The following RBM15B variants were observed in gnomAD, a reference collection of about 807,000 sequenced individuals.
RBM15B encodes the protein RNA binding motif protein 15B.
A neutral mutation model predicts 53.3 loss-of-function variants in RBM15B; 11 were observed. The ratio of observed to expected loss-of-function variants is 0.21; its 90% CI spans 0.13 to 0.34. The LOEUF is 0.34. RBM15B is among the 10% of genes least tolerant of loss of function. The probability of loss-of-function intolerance (pLI) is 1.00; values close to 1 mark genes in which losing one functional copy is unlikely to be tolerated. For missense variants in RBM15B, 1,136 were observed against 1,250.3 expected, an observed-to-expected ratio of 0.91 and a Z score of 1.38; for synonymous variants, 631 against 540.7, an observed-to-expected ratio of 1.17 and a Z score of -2.32.
chr3:51,391,841 C>T lies in RBM15B; in HGVS notation c.442C>T (p.Pro148Ser), dbSNP rs555181197. ...GACGTTGCTCATCAGCAGCTTGAGC[C>T]CCGCGCTGCCCGCCGAGCACCTCGA... ...YKTLLISSLS[P>S]ALPAEHLEDR... Residue 148 changes from proline (P) to serine (S), a missense_variant, in exon 1 of 1, where the codon CCC (proline) becomes TCC (serine). Pro to Ser is a moderately conservative substitution (Grantham distance 74, BLOSUM62 -1). Around this residue, in one of 7 missense-constraint regions of RBM15B, gnomAD observed 257 missense variants for 261.1 expected, o/e 0.98. Transcript: ENST00000563281. This position sits in a 1 kb window ranked among gnomAD's most constrained non-coding sequence, Gnocchi z 4.5. 3 of 1,602,724 alleles carry T rather than the reference C, an allele frequency of 1.9e-6. No homozygotes were observed. Among genetic ancestry groups the T allele is most frequent in the Non-Finnish European group, 2.5e-6 (3 of 1,179,356 alleles).
At position 51,395,223 on chromosome 3, in the gene RBM15B, C is replaced by T. The variant is rs1553622433; in HGVS notation, c.*1151C>T. ...CTAGGTGCAAGATCAGAGCATGTGC[C>T]TACACCTTGTGCCCTGATGCCGAGG... On this transcript the variant is annotated 3_prime_UTR_variant, in exon 1 of 1. Transcript: ENST00000563281. The T allele has an allele frequency of 6.0e-6, 1 of 167,062 alleles. No individual in the cohort carries two copies. 10.3% of individuals were successfully genotyped at this position (167,062 alleles called of 1,614,324 possible).
Position 51,393,794 on chromosome 3 carries a change from G to T in RBM15B, c.2395G>T (p.Ala799Ser), listed in dbSNP as rs782784595. ...CTATGCGGTCCTCTTAGCCACCCAG[G>T]CAACCCCCAGTGGGCTTGGCACTGA... ...NGYAVLLATQ[A>S]TPSGLGTEGM... Residue 799 changes from alanine (A) to serine (S), a missense_variant, in exon 1 of 1, where the codon GCA becomes TCA. Around this residue, in one of 7 missense-constraint regions of RBM15B, gnomAD observed 578 missense variants for 581.6 expected, o/e 0.99. Coordinates refer to ENST00000563281, the MANE Select transcript of RBM15B (RefSeq NM_013286.5). This position sits in a 1 kb window ranked among gnomAD's most constrained non-coding sequence, Gnocchi z 5.6. 6.2e-7 allele frequency: 1 copy of T among 1,613,738 alleles called. No homozygotes were observed. Among genetic ancestry groups the T allele is most frequent in the Non-Finnish European group, 8.5e-7 (1 of 1,180,010 alleles).
chr3:51,392,088 G>A lies in RBM15B; in HGVS notation c.689G>A (p.Ser230Asn). The stretch of plus-strand genomic sequence containing the variant: ...GGCGGCGGGAGCAGTCGGCGAAGTA[G>A]CAGCAGCAGCGCCGCCGCTTCCACG... ...RGGGGSSRRSSSSSAAASTPP... is the reference protein window; with the variant it reads ...RGGGGSSRRSNSSSAAASTPP... Residue 230 changes from serine to asparagine, a missense_variant, in exon 1 of 1, where the codon AGC becomes AAC. Transcript: ENST00000563281. This position sits in a 1 kb window ranked among gnomAD's most constrained non-coding sequence, Gnocchi z 7.5. 1.3e-6 allele frequency: 2 copies of A among 1,545,510 alleles called. No individual in the cohort carries two copies. Among genetic ancestry groups the A allele is most frequent in the Non-Finnish European group, 1.7e-6 (2 of 1,153,936 alleles).
In RBM15B at chr3:51,392,071, G is replaced by A; in HGVS notation, c.672G>A (p.Gly224=). The A allele has an allele frequency of 5.1e-6, 8 of 1,575,892 alleles. No individual in the cohort carries two copies. The highest frequency in any genetic ancestry group is 6.8e-6 in the Non-Finnish European group (8 of 1,169,342). ...VEPVYLRGGG[G]SSRRSSSSSA... The stretch of plus-strand genomic sequence containing the variant: ...CCGTGTACCTGCGTGGCGGCGGCGG[G>A]AGCAGTCGGCGAAGTAGCAGCAGCA... The change falls in exon 1 of 1, where the codon GGG becomes GGA. Residue 224 remains glycine, a synonymous_variant. Transcript: ENST00000563281. The surrounding 1 kb of genome is among the most constrained non-coding windows in gnomAD (Gnocchi z 7.5).
In RBM15B at chr3:51,393,409, C is replaced by G. The variant is rs375089728; in HGVS notation, c.2010C>G (p.His670Gln). 17 of 1,613,608 alleles carry G rather than the reference C, an allele frequency of 1.1e-5. No homozygotes were observed. Among genetic ancestry groups the G allele is most frequent in the Non-Finnish European group, 1.3e-5 (15 of 1,179,940 alleles). Residue 670 changes from histidine (H) to glutamine (Q), a missense_variant, in exon 1 of 1, where the codon CAC becomes CAG. This residue lies in a region of RBM15B where 578 missense variants were observed against 581.6 expected (regional missense o/e 0.99). Transcript: ENST00000563281. The surrounding 1 kb of genome is among the most constrained non-coding windows in gnomAD (Gnocchi z 5.6). ...AACGGGGCCACCACCACCACCACCA[C>G]GAGGCTGCAGACTCTTCCCACGGGA... Reference protein sequence around the residue: ...AEERGHHHHHHEAADSSHGKK... With the variant: ...AEERGHHHHHQEAADSSHGKK...
chr3:51,393,778 C>T lies in RBM15B; in HGVS notation c.2379C>T (p.Val793=), dbSNP rs570942904. 6.2e-7 allele frequency: 1 copy of T among 1,613,848 alleles called. No individual in the cohort carries two copies. The highest frequency in any genetic ancestry group is 1.1e-5 in the South Asian group (1 of 91,068). ...AGGGGAGCCCCAACGGCTATGCGGT[C>T]CTCTTAGCCACCCAGGCAACCCCCA... ...IKQGSPNGYA[V]LLATQATPSG... The change falls in exon 1 of 1, where the codon GTC becomes GTT. Residue 793 remains valine, a synonymous_variant. Transcript: ENST00000563281. The surrounding 1 kb of genome is among the most constrained non-coding windows in gnomAD (Gnocchi z 5.6).
In RBM15B at chr3:51,395,687, T is replaced by C; in HGVS notation, c.*1615T>C. ...TCCAGGTCTGCTCCCTTACCGGAGC[T>C]AGGATAAGGTAGCATGAGTGACACC... is the stretch of plus-strand genomic sequence containing the variant. On this transcript the variant is annotated 3_prime_UTR_variant, in exon 1 of 1. Transcript: ENST00000563281. The C allele has an allele frequency of 2.4e-6, 1 of 411,948 alleles. No homozygotes were observed. Among genetic ancestry groups the C allele is most frequent in the East Asian group, 3.6e-5 (1 of 28,018 alleles). 25.5% of individuals were successfully genotyped at this position (411,948 alleles called of 1,614,324 possible).
chr3:51,391,936 G>A lies in RBM15B; in HGVS notation c.537G>A (p.Leu179=). 1 of 1,602,616 alleles carries A rather than the reference G, an allele frequency of 6.2e-7. No individual in the cohort carries two copies. The highest frequency in any genetic ancestry group is 8.5e-7 in the Non-Finnish European group (1 of 1,179,118). ...TCCGCCTGTCGCACACGCCTGAGCT[G>A]GGCCGTGTGGCCTACGTGAATTTCC... is the stretch of plus-strand genomic sequence containing the variant. The part of the protein sequence containing the change: ...ISLRLSHTPE[L]GRVAYVNFRH... Residue 179 remains leucine (L), a synonymous_variant, in exon 1 of 1, where the codon CTG becomes CTA. Transcript: ENST00000563281. This position sits in a 1 kb window ranked among gnomAD's most constrained non-coding sequence, Gnocchi z 4.5.
Position 51,393,292 on chromosome 3 carries a change from C to G in RBM15B, c.1893C>G (p.Thr631=). Residue 631 remains threonine, a synonymous_variant, in exon 1 of 1, where the codon ACC becomes ACG. Coordinates refer to ENST00000563281, the MANE Select transcript of RBM15B (RefSeq NM_013286.5). This position sits in a 1 kb window ranked among gnomAD's most constrained non-coding sequence, Gnocchi z 5.6. ...GQQSERGSDR[T]PERSRKENHS... is the part of the protein sequence containing the mutation. ...AGTCAGAGCGGGGCTCCGACCGCACCCCTGAGCGCAGCCGCAAGGAGAACC... is the reference window on the plus strand; with the variant it reads ...AGTCAGAGCGGGGCTCCGACCGCACGCCTGAGCGCAGCCGCAAGGAGAACC... 6.2e-7 allele frequency: 1 copy of G among 1,610,774 alleles called. No individual in the cohort carries two copies. The highest frequency in any genetic ancestry group is 8.5e-7 in the Non-Finnish European group (1 of 1,178,592).
At position 51,391,869 on chromosome 3, in the gene RBM15B, A is replaced by T; in HGVS notation, c.470A>T (p.Asp157Val). 1.2e-6 allele frequency: 2 copies of T among 1,603,782 alleles called. No individual in the cohort carries two copies. Among genetic ancestry groups the T allele is most frequent in the Non-Finnish European group, 1.7e-6 (2 of 1,179,384 alleles). Reference protein sequence around the residue: ...SPALPAEHLEDRLFHQFKRFG... With the variant: ...SPALPAEHLEVRLFHQFKRFG... Reference sequence around the variant, plus strand: ...GCGCTGCCCGCCGAGCACCTCGAGGACCGGCTCTTCCACCAGTTCAAGCGC... The same window carrying T: ...GCGCTGCCCGCCGAGCACCTCGAGGTCCGGCTCTTCCACCAGTTCAAGCGC... The change falls in exon 1 of 1, where the codon GAC becomes GTC. Residue 157 changes from aspartate (D) to valine (V), a missense_variant. Physicochemically the swap from Asp to Val is radical, Grantham distance 152. Around this residue, in one of 7 missense-constraint regions of RBM15B, gnomAD observed 257 missense variants for 261.1 expected, o/e 0.98. Coordinates refer to ENST00000563281, the MANE Select transcript of RBM15B (RefSeq NM_013286.5). This position sits in a 1 kb window ranked among gnomAD's most constrained non-coding sequence, Gnocchi z 4.5.
chr3:51,393,844 T>C lies in RBM15B; in HGVS notation c.2445T>C (p.Gly815=). The C allele has an allele frequency of 1.2e-6, 2 of 1,600,208 alleles. No homozygotes were observed. The highest frequency in any genetic ancestry group is 1.7e-6 in the Non-Finnish European group (2 of 1,174,646). Residue 815 remains glycine (G), a synonymous_variant, in exon 1 of 1, where the codon GGT becomes GGC. Coordinates refer to ENST00000563281, the MANE Select transcript of RBM15B (RefSeq NM_013286.5). This position sits in a 1 kb window ranked among gnomAD's most constrained non-coding sequence, Gnocchi z 5.6. ...GTEGMPTVEP[G]LQRRLLRNLV... ...AGGGGATGCCCACAGTAGAGCCCGGTCTGCAGAGGCGGCTTCTCAGGAACC... is the reference window on the plus strand; with the variant it reads ...AGGGGATGCCCACAGTAGAGCCCGGCCTGCAGAGGCGGCTTCTCAGGAACC...
Position 51,393,116 on chromosome 3 carries a change from C to T in RBM15B, c.1717C>T (p.Arg573Trp), listed in dbSNP as rs1370806531. ...LEGYSRSVRS[R>W]SGERWGADGD... is the part of the protein sequence containing the mutation. ...GGGCTACAGTCGCTCAGTGCGCAGC[C>T]GGAGTGGTGAGCGTTGGGGGGCAGA... The change falls in exon 1 of 1, where the codon CGG (arginine) becomes TGG (tryptophan). Residue 573 changes from arginine (R) to tryptophan (W), a missense_variant. Physicochemically the swap from Arg to Trp is moderately radical, Grantham distance 101. This residue lies in a region of RBM15B where 578 missense variants were observed against 581.6 expected (regional missense o/e 0.99). Transcript: ENST00000563281. The surrounding 1 kb of genome is among the most constrained non-coding windows in gnomAD (Gnocchi z 5.6). The T allele has an allele frequency of 6.2e-7, 1 of 1,614,064 alleles. No individual in the cohort carries two copies. Among genetic ancestry groups the T allele is most frequent in the Non-Finnish European group, 8.5e-7 (1 of 1,180,020 alleles).
In RBM15B at chr3:51,393,387, G is replaced by C; in HGVS notation, c.1988G>C (p.Arg663Pro). 6.2e-7 allele frequency: 1 copy of C among 1,613,422 alleles called. No homozygotes were observed. Among genetic ancestry groups the C allele is most frequent in the Non-Finnish European group, 8.5e-7 (1 of 1,179,840 alleles). ...AACAGCAGACATGGGGCTGAGGAAC[G>C]GGGCCACCACCACCACCACCACGAG... ...LSNSRHGAEE[R>P]GHHHHHHEAA... Residue 663 changes from arginine to proline, a missense_variant, in exon 1 of 1, where the codon CGG becomes CCG. Coordinates refer to ENST00000563281, the MANE Select transcript of RBM15B (RefSeq NM_013286.5). The surrounding 1 kb of genome is among the most constrained non-coding windows in gnomAD (Gnocchi z 5.6).
Position 51,395,963 on chromosome 3 carries a change from G to T in RBM15B, c.*1891G>T. The T allele has an allele frequency of 2.4e-6, 1 of 413,506 alleles. No individual in the cohort carries two copies. 25.6% of individuals were successfully genotyped at this position (413,506 alleles called of 1,614,324 possible). ...TACCTAAGCAAGTCAGTTGGGTACA[G>T]CAGGACACGCCACCATTCCAGGGTA... On this transcript the variant is annotated 3_prime_UTR_variant, in exon 1 of 1. Transcript: ENST00000563281.
Position 51,392,181 on chromosome 3 carries a change from A to T in RBM15B, c.782A>T (p.Tyr261Phe). ...CTCCCGCTACACGGAGGCTACCAGT[A>T]CAAGCAGCGCTCGCTGTCCCCCGTC... ...GYLPLHGGYQYKQRSLSPVAA... is the reference protein window; with the variant it reads ...GYLPLHGGYQFKQRSLSPVAA... Residue 261 changes from tyrosine to phenylalanine, a missense_variant, in exon 1 of 1, where the codon TAC becomes TTC. Tyr to Phe is a conservative substitution (Grantham distance 22, BLOSUM62 3). Coordinates refer to ENST00000563281, the MANE Select transcript of RBM15B (RefSeq NM_013286.5). This position sits in a 1 kb window ranked among gnomAD's most constrained non-coding sequence, Gnocchi z 7.5. The T allele has an allele frequency of 1.9e-6, 3 of 1,539,690 alleles. No homozygotes were observed. The highest frequency in any genetic ancestry group is 1.7e-6 in the Non-Finnish European group (2 of 1,147,546).
In RBM15B at chr3:51,391,737, C is replaced by G. The variant is rs781936903; in HGVS notation, c.338C>G (p.Ser113Cys). The change falls in exon 1 of 1, where the codon TCT becomes TGT. Residue 113 changes from serine (S) to cysteine (C), a missense_variant. This residue lies in a region of RBM15B where 257 missense variants were observed against 261.1 expected (regional missense o/e 0.98). Transcript: ENST00000563281. This position sits in a 1 kb window ranked among gnomAD's most constrained non-coding sequence, Gnocchi z 4.5. ...GCCTCCGGCATGTCGCCCCGCGCGT[C>G]TCCTCTGCCGCCGCCTCCGCCACCG... Reference protein sequence around the residue: ...PGASGMSPRASPLPPPPPPPG... With the variant: ...PGASGMSPRACPLPPPPPPPG... 6.6e-7 allele frequency: 1 copy of G among 1,513,102 alleles called. No homozygotes were observed. The highest frequency in any genetic ancestry group is 2.7e-5 in the East Asian group (1 of 36,954). 93.7% of individuals were successfully genotyped at this position (1,513,102 alleles called of 1,614,324 possible). A position where few individuals can be genotyped will look rare whatever the true frequency, so the allele number is the denominator to read the frequency against.
chr3:51,395,903 G>GT lies in RBM15B; in HGVS notation c.*1838dup, dbSNP rs112066805. On this transcript the variant is annotated 3_prime_UTR_variant, in exon 1 of 1. Coordinates refer to ENST00000563281, the MANE Select transcript of RBM15B (RefSeq NM_013286.5). The stretch of plus-strand genomic sequence containing the variant: ...CATGTTTATTTATTTGCCTGTTTTT[G>GT]TTTTTTTACTTGAGCTGTGGTCACA... 3.9e-5 allele frequency: 16 copies of GT among 413,436 alleles called. No homozygotes were observed. The highest frequency in any genetic ancestry group is 7.1e-5 in the East Asian group (2 of 28,078). 25.6% of individuals were successfully genotyped at this position (413,436 alleles called of 1,614,324 possible). A position where few individuals can be genotyped will look rare whatever the true frequency, so the allele number is the denominator to read the frequency against.
rs782412766 is a variant in RBM15B at position 51,391,746 on chromosome 3, C to G, written c.347C>G (p.Pro116Arg). ...SGMSPRASPL[P>R]PPPPPPGAEP... ...ATGTCGCCCCGCGCGTCTCCTCTGC[C>G]GCCGCCTCCGCCACCGCCTGGGGCC... Residue 116 changes from proline to arginine, a missense_variant, in exon 1 of 1, where the codon CCG becomes CGG. Pro to Arg is a moderately radical substitution (Grantham distance 103). Coordinates refer to ENST00000563281, the MANE Select transcript of RBM15B (RefSeq NM_013286.5). This position sits in a 1 kb window ranked among gnomAD's most constrained non-coding sequence, Gnocchi z 4.5. The G allele has an allele frequency of 1.3e-6, 2 of 1,544,356 alleles. No homozygotes were observed. Among genetic ancestry groups the G allele is most frequent in the African/African-American group, 1.4e-5 (1 of 70,228 alleles).
chr3:51,392,189 C>T lies in RBM15B; in HGVS notation c.790C>T (p.Arg264Cys). The change falls in exon 1 of 1, where the codon CGC becomes TGC. Residue 264 changes from arginine (R) to cysteine (C), a missense_variant. Transcript: ENST00000563281. The surrounding 1 kb of genome is among the most constrained non-coding windows in gnomAD (Gnocchi z 7.5). ...ACACGGAGGCTACCAGTACAAGCAG[C>T]GCTCGCTGTCCCCCGTCGCTGCCCC... ...PLHGGYQYKQ[R>C]SLSPVAAPPL... 2 of 1,540,528 alleles carry T rather than the reference C, an allele frequency of 1.3e-6. No individual in the cohort carries two copies. The highest frequency in any genetic ancestry group is 1.7e-6 in the Non-Finnish European group (2 of 1,147,848).
Sources: gnomAD v4.1 joint callset for allele counts on GRCh38, gnomAD v4.1.1 for gene constraint, gnomAD v4.1.1 regional missense constraint, Gnocchi (gnomAD v3.1) non-coding constraint, MANE v1.5 for transcripts, NCBI Gene and HGNC (gene_info 2026-07-23, HGNC 2026-07-21) for gene names.